AKAP6: variants seen among roughly 807,000 people sequenced by gnomAD.
AKAP6 encodes A-kinase anchor protein 6.
A neutral mutation model predicts 188.5 loss-of-function variants in AKAP6; 58 were observed. The observed-to-expected ratio is 0.31, with a 90% CI of 0.25 to 0.38. AKAP6 has a LOEUF of 0.38. Among genes scored for constraint, AKAP6 ranks in the 10% least tolerant of loss-of-function variants. AKAP6 has a pLI of 1.00. For missense variants in AKAP6, 2,710 were observed against 2,740.0 expected, an observed-to-expected ratio of 0.99 and a Z score of 0.24; for synonymous variants, 989 against 998.6, an observed-to-expected ratio of 0.99 and a Z score of 0.18.
intron 9 of AKAP6, among the ~76,000 whole-genome samples, chr14:32,699,996 G>A (rs533253989): frequency 6.6e-6 from 1 of 152,300 alleles, no homozygotes; most frequent in Admixed American, 6.5e-5. Flanking sequence ...AAACCCACTT[G>A]TGAAGGAAAA....
chr14:32,579,422 C>A lies in AKAP6; in HGVS notation c.2469+2180C>A, dbSNP rs564362003. ...GAATAGAGATATCATAGAACATCTT[C>A]TTTATTTCTACTTTGCAAATAGTGA... On this transcript the variant is annotated intron_variant, in intron 5 of 13. Transcript: ENST00000280979. Among the ~76,000 whole-genome samples, 23 of 152,222 alleles carry A rather than the reference C, an allele frequency of 1.5e-4. 2 individuals are homozygous for A. The highest frequency in any genetic ancestry group is 1.4e-3 in the Admixed American group (21 of 15,284).
chr14:32,821,340 A>G, intron 12 of AKAP6, 62 bp from the exon 13 acceptor site: 8 of 1,506,654 alleles, frequency 5.3e-6, no homozygotes, highest in Non-Finnish European at 7.1e-6. Context: ...TTTTCAATGG[A>G]TAAAATTTTC....
At chr14:32,541,712 A>T (rs1487821163) in intron 3 of AKAP6, among the ~76,000 whole-genome samples, 2 of 152,186 alleles carry the variant, frequency 1.3e-5, no homozygotes, top group Non-Finnish European at 2.9e-5. Flanking sequence ...GTTTTATAAT[A>T]CTATTTCTGT....
chr14:32,496,995 A>G (rs2138967916), intron 2 of AKAP6, among the ~76,000 whole-genome samples: 1 of 152,248 alleles, frequency 6.6e-6, no homozygotes, highest in African/African-American at 2.4e-5. Context: ...CTTAAAAAGA[A>G]CTTATGTTTC....
At chr14:32,402,390 C>G (rs952464035) in intron 1 of AKAP6, among the ~76,000 whole-genome samples, 1 of 152,172 alleles carries the variant, frequency 6.6e-6, no homozygotes, top group East Asian at 1.9e-4. Flanking sequence ...TTAAATTTTT[C>G]AGCCCACAAA....
At chr14:32,519,751 A>T (rs1318112613) in intron 2 of AKAP6, among the ~76,000 whole-genome samples, 1 of 152,186 alleles carries the variant, frequency 6.6e-6, no homozygotes. Flanking sequence ...ATAATGGGAG[A>T]CTTTAACACC....
chr14:32,828,389 C>T (rs2140164638), intron 13 of AKAP6, among the ~76,000 whole-genome samples: 1 of 152,298 alleles, frequency 6.6e-6, no homozygotes, highest in Non-Finnish European at 1.5e-5. Flanking sequence ...TTTAAAATCA[C>T]TTTAATAAAC....
In AKAP6 at chr14:32,689,385, G is replaced by A. The variant is rs550480506; in HGVS notation, c.2880-6605G>A. ...GACAGATGGTCCACGAGAAAGTGGG[G>A]CCAGTTATTAACAAGTTTGTAGGCT... On this transcript the variant is annotated intron_variant, in intron 8 of 13. Transcript: ENST00000280979. Among the ~76,000 whole-genome samples the A allele has an allele frequency of 9.2e-5, 14 of 152,128 alleles. No individual in the cohort carries two copies. In the South Asian group the frequency reaches 1.9e-3, roughly 20 times the overall value.
intron 1 of AKAP6, among the ~76,000 whole-genome samples, chr14:32,340,534 A>G (rs999273444): frequency 2.0e-5 from 3 of 152,180 alleles, no homozygotes; most frequent in African/African-American, 7.2e-5. Context: ...TGCCTCATTT[A>G]CAGGGTTCTC....
At chr14:32,623,265 C>T (rs535997859) in intron 7 of AKAP6, among the ~76,000 whole-genome samples, 17 of 152,094 alleles carry the variant, frequency 1.1e-4, no homozygotes, top group Admixed American at 2.6e-4. Flanking sequence ...TATGATACTT[C>T]GTCAAGAGCC....
intron 1 of AKAP6, among the ~76,000 whole-genome samples, chr14:32,363,774 C>A (rs1358320330): frequency 6.6e-6 from 1 of 152,200 alleles, no homozygotes. Context: ...TTTGGCAGCA[C>A]CCTCACAGAC....
intron 1 of AKAP6, among the ~76,000 whole-genome samples, chr14:32,347,108 G>A (rs10140526): frequency 0.3 from 44,874 of 151,964 alleles, 6,969 homozygotes; most frequent in East Asian, 0.4. Flanking sequence ...AAAATAAAAA[G>A]TAAAAGCTTT....
chr14:32,517,799 A>G (rs1304441064), intron 2 of AKAP6, among the ~76,000 whole-genome samples: 4 of 152,194 alleles, frequency 2.6e-5, no homozygotes, highest in African/African-American at 9.7e-5. Context: ...GGCAACAGAA[A>G]CTTCTGCACA....
At chr14:32,510,911 C>G (rs1037546213) in intron 2 of AKAP6, among the ~76,000 whole-genome samples, 4 of 152,224 alleles carry the variant, frequency 2.6e-5, no homozygotes, top group Middle Eastern at 3.4e-3. Context: ...TCCTTGGGGT[C>G]ACTGATGATC....
chr14:32,784,273 T>G (rs1165364084), intron 12 of AKAP6, among the ~76,000 whole-genome samples: 4 of 152,174 alleles, frequency 2.6e-5, no homozygotes, highest in African/African-American at 4.8e-5. Context: ...TCTTATTAAA[T>G]TCACACATGC....
At chr14:32,416,408 G>C (rs1338660333) in intron 1 of AKAP6, among the ~76,000 whole-genome samples, 1 of 152,050 alleles carries the variant, frequency 6.6e-6, no homozygotes, top group African/African-American at 2.4e-5. Flanking sequence ...TGAGTGTTGG[G>C]AGTTTTTGAT....
intron 2 of AKAP6, among the ~76,000 whole-genome samples, chr14:32,469,288 T>C (rs73261496): frequency 0.013 from 2,027 of 152,304 alleles, 46 homozygotes; most frequent in African/African-American, 0.046. Context: ...ACCTCCTTGG[T>C]ATGCCAGTGT....
chr14:32,471,982 C>T (rs867452063), intron 2 of AKAP6, among the ~76,000 whole-genome samples: 4 of 152,262 alleles, frequency 2.6e-5, no homozygotes, highest in Middle Eastern at 3.4e-3. Flanking sequence ...TGGATTGTTC[C>T]TTAAGATAAA....
intron 1 of AKAP6, among the ~76,000 whole-genome samples, chr14:32,391,782 G>A (rs1471957498): frequency 2.0e-5 from 3 of 152,172 alleles, no homozygotes; most frequent in African/African-American, 7.2e-5. Flanking sequence ...CTCCCCAGAA[G>A]CAGAAGCCAC....
Sources: allele counts gnomAD v4.1 joint callset (sites outside exome capture counted in the v4.1 genomes callset), GRCh38; gene constraint gnomAD v4.1.1; transcripts MANE v1.5; gene names NCBI Gene and HGNC (gene_info 2026-07-23, HGNC 2026-07-21).